The following ABCA13 variants were observed in gnomAD, a reference collection of about 807,000 sequenced individuals.
ABCA13 encodes the protein ATP binding cassette subfamily A member 13.
In ABCA13, 476 loss-of-function variants were observed where a neutral mutation model predicts 478.7. The ratio of observed to expected loss-of-function variants is 0.99; its 90% CI spans 0.92 to 1.07. ABCA13 has a LOEUF of 1.07. Ranked by LOEUF, ABCA13 falls within the 50% of genes least tolerant of loss-of-function variation. The pLI is 0.00. For synonymous variants in ABCA13, 2,252 were observed against 2,158.9 expected (o/e 1.04, Z -1.20); for missense variants, 6,060 against 5,910.6 (o/e 1.03, Z -0.83).
intron 44 of ABCA13, 65 bp from the exon 45 acceptor site, chr7:48,471,463 CTT>C: frequency 7.1e-7 from 1 of 1,416,206 alleles, no homozygotes; most frequent in Non-Finnish European, 9.8e-7. Flanking sequence ...ATGAAACTCT[CTT>C]TTATGGAAAT....
At chr7:48,315,619 A>G (rs561410875) in intron 26 of ABCA13, among the ~76,000 whole-genome samples, 102 of 152,092 alleles carry the variant, frequency 6.7e-4, no homozygotes, top group African/African-American at 1.9e-3. Flanking sequence ...AGCTGGGACT[A>G]CAGGTGCCTG....
At chr7:48,443,018 G>A (rs1823836986) in intron 42 of ABCA13, among the ~76,000 whole-genome samples, 1 of 152,136 alleles carries the variant, frequency 6.6e-6, no homozygotes, top group Non-Finnish European at 1.5e-5. Flanking sequence ...TCAAATGGGT[G>A]GATCCTTATA....
At chr7:48,617,453 A>G (rs1038496162) in intron 59 of ABCA13, among the ~76,000 whole-genome samples, 5 of 152,204 alleles carry the variant, frequency 3.3e-5, no homozygotes, top group African/African-American at 1.2e-4. Flanking sequence ...TCTGGGTGTC[A>G]GGATTTCCCC....
intron 3 of ABCA13, among the ~76,000 whole-genome samples, chr7:48,204,970 C>G (rs1784738961): frequency 6.6e-6 from 1 of 152,188 alleles, no homozygotes; most frequent in African/African-American, 2.4e-5. Context: ...GGAAGCCCTC[C>G]CTGTAACTGC....
intron 35 of ABCA13, among the ~76,000 whole-genome samples, chr7:48,379,367 T>C (rs952988076): frequency 6.6e-6 from 1 of 152,206 alleles, no homozygotes; most frequent in African/African-American, 2.4e-5. Context: ...CAATACCTTC[T>C]TTTTAAGAGA....
intron 55 of ABCA13, among the ~76,000 whole-genome samples, chr7:48,536,936 TTG>T (rs1833624786): frequency 6.6e-6 from 1 of 152,060 alleles, no homozygotes; most frequent in Non-Finnish European, 1.5e-5. Context: ...TTTTGACAAT[TTG>T]TGTTTCCTTA....
At chr7:48,253,258 T>C (rs1041309898) in intron 15 of ABCA13, among the ~76,000 whole-genome samples, 1 of 152,190 alleles carries the variant, frequency 6.6e-6, no homozygotes. Context: ...ATCCAAACTA[T>C]GCCACTTTTC....
chr7:48,343,820 C>G (rs1807635424), intron 29 of ABCA13, among the ~76,000 whole-genome samples: 1 of 152,270 alleles, frequency 6.6e-6, no homozygotes, highest in South Asian at 2.1e-4. Context: ...ATCTGCCCCA[C>G]ATTGTCCTCC....
At chr7:48,569,135 A>AT (rs1374241151) in intron 55 of ABCA13, among the ~76,000 whole-genome samples, 2 of 151,752 alleles carry the variant, frequency 1.3e-5, no homozygotes, top group South Asian at 4.2e-4. Context: ...TCAAATCATT[A>AT]TTTTTTTATT....
At chr7:48,572,190 A>C (rs1787728765) in intron 55 of ABCA13, among the ~76,000 whole-genome samples, 1 of 152,202 alleles carries the variant, frequency 6.6e-6, no homozygotes, top group South Asian at 2.1e-4. Context: ...AAATAAAATA[A>C]AATACATATT....
intron 55 of ABCA13, among the ~76,000 whole-genome samples, chr7:48,560,481 G>A (rs960018315): frequency 3.3e-5 from 5 of 152,090 alleles, no homozygotes; most frequent in Admixed American, 3.3e-4. Context: ...TTAAAACCAG[G>A]TACTGTAATT....
At chr7:48,481,953 A>G (rs1828812695) in intron 46 of ABCA13, among the ~76,000 whole-genome samples, 1 of 152,200 alleles carries the variant, frequency 6.6e-6, no homozygotes, top group Admixed American at 6.5e-5. Flanking sequence ...TGCTGAGAGT[A>G]GAACACTGTG....
intron 34 of ABCA13, 128 bp from the exon 35 acceptor site, chr7:48,376,313 T>C (rs1366210625): frequency 1.3e-5 from 15 of 1,127,866 alleles, no homozygotes; most frequent in Non-Finnish European, 2.5e-6. Context: ...GCCAGTGATA[T>C]TGACCTTCTT....
chr7:48,230,377 TA>T (rs1313816053), intron 7 of ABCA13, among the ~76,000 whole-genome samples: 4 of 152,196 alleles, frequency 2.6e-5, no homozygotes, highest in African/African-American at 7.2e-5. Context: ...AGTCCCTAAC[TA>T]AATAAGCAGC....
chr7:48,300,621 A>G (rs879586136), intron 23 of ABCA13, among the ~76,000 whole-genome samples: 13 of 152,226 alleles, frequency 8.5e-5, no homozygotes, highest in Non-Finnish European at 1.6e-4. Flanking sequence ...GACCAGAGAC[A>G]GGAGTGAGCA....
At chr7:48,241,916 G>A (rs937291050) in intron 10 of ABCA13, among the ~76,000 whole-genome samples, 20 of 152,168 alleles carry the variant, frequency 1.3e-4, no homozygotes, top group Non-Finnish European at 2.8e-4. Flanking sequence ...CTTAAGAGAT[G>A]TTCTGGGGCC....
chr7:48,520,818 A>G (rs944434023), intron 53 of ABCA13, among the ~76,000 whole-genome samples: 4 of 152,190 alleles, frequency 2.6e-5, no homozygotes, highest in African/African-American at 9.6e-5. Flanking sequence ...GAAATTGCTG[A>G]ATTTCTCTGT....
At chr7:48,564,858 A>T (rs1786866917) in intron 55 of ABCA13, among the ~76,000 whole-genome samples, 1 of 152,150 alleles carries the variant, frequency 6.6e-6, no homozygotes. Flanking sequence ...TGTTATGTGA[A>T]TTAGTGGCTC....
chr7:48,171,634 G>T (rs1794083553), intron 1 of ABCA13, 82 bp downstream of exon 1: 1 of 1,436,722 alleles, frequency 7.0e-7, no homozygotes. Context: ...GCCTGCCTCT[G>T]CCTCCTGGCA....
Sources: gnomAD v4.1 joint callset for allele counts (sites outside exome capture counted in the v4.1 genomes callset) on GRCh38, gnomAD v4.1.1 for gene constraint, MANE v1.5 for transcripts, NCBI Gene and HGNC (gene_info 2026-07-23, HGNC 2026-07-21) for gene names.